Variants in RNF111 observed in about 807,000 individuals in gnomAD.
RNF111 encodes ring finger protein 111.
A neutral mutation model predicts 95.1 loss-of-function variants in RNF111; 17 were observed. The observed-to-expected ratio is 0.18, with a 90% CI of 0.12 to 0.27. The LOEUF (loss-of-function observed/expected upper bound fraction) is 0.27. RNF111 is among the 10% of genes least tolerant of loss of function. The pLI is 1.00. For synonymous variants in RNF111, 440 were observed against 414.8 expected (o/e 1.06, Z -0.74); for missense variants, 1,189 against 1,210.4 (o/e 0.98, Z 0.26).
At chr15:59,091,489 T>G (rs1416511285) in intron 12 of RNF111, among the ~76,000 whole-genome samples, 1 of 152,224 alleles carries the variant, frequency 6.6e-6, no homozygotes, top group Non-Finnish European at 1.5e-5. Flanking sequence ...GTTTGCAGAT[T>G]GCCTTTCATG....
chr15:59,029,585 G>A (rs199951383), intron 1 of RNF111, among the ~76,000 whole-genome samples: 2 of 152,314 alleles, frequency 1.3e-5, no homozygotes, highest in East Asian at 3.9e-4. Context: ...TGGGAGACCT[G>A]TAAGATTATA....
chr15:58,996,475 G>A (rs1031026238), intron 1 of RNF111, among the ~76,000 whole-genome samples: 1 of 151,844 alleles, frequency 6.6e-6, no homozygotes, highest in Admixed American at 6.6e-5. Flanking sequence ...CAGCTACTTG[G>A]GTGGCTGGAG....
intron 1 of RNF111, among the ~76,000 whole-genome samples, chr15:58,995,151 C>G (rs2039002869): frequency 6.6e-6 from 1 of 152,194 alleles, no homozygotes; most frequent in South Asian, 2.1e-4. Flanking sequence ...TCCTGTTCCT[C>G]ATCACTCCCC....
At chr15:59,033,528 C>T (rs2041018211) in intron 2 of RNF111, among the ~76,000 whole-genome samples, 1 of 152,168 alleles carries the variant, frequency 6.6e-6, no homozygotes, top group Non-Finnish European at 1.5e-5. Flanking sequence ...ACATTTTTCT[C>T]AAGTGGTCAG....
At chr15:59,033,999 G>C (rs2041047112) in intron 2 of RNF111, among the ~76,000 whole-genome samples, 2 of 152,140 alleles carry the variant, frequency 1.3e-5, no homozygotes, top group Non-Finnish European at 2.9e-5. Flanking sequence ...TATCAATTAA[G>C]TATAAAATAG....
chr15:59,058,274 A>G (rs544699427), intron 4 of RNF111, 82 bp from the exon 5 acceptor site: 1 of 1,123,558 alleles, frequency 8.9e-7, no homozygotes, highest in Admixed American at 2.1e-5. Context: ...TTTATTAATT[A>G]TAAACACATT....
intron 11 of RNF111, among the ~76,000 whole-genome samples, chr15:59,090,168 A>G (rs2079009359): frequency 6.6e-6 from 1 of 152,136 alleles, no homozygotes; most frequent in African/African-American, 2.4e-5. Flanking sequence ...GGAAGAACAA[A>G]TCATTCGAAT....
chr15:59,007,790 G>A (rs1299410180), intron 1 of RNF111, among the ~76,000 whole-genome samples: 2 of 152,200 alleles, frequency 1.3e-5, no homozygotes, highest in South Asian at 4.2e-4. Context: ...TTTACTTATT[G>A]GGTATTTTTG....
At chr15:59,054,637 C>T (rs2042130520) in intron 3 of RNF111, among the ~76,000 whole-genome samples, 1 of 151,812 alleles carries the variant, frequency 6.6e-6, no homozygotes, top group Non-Finnish European at 1.5e-5. Context: ...ACTTTATACT[C>T]CTTCTTAAGA....
chr15:59,038,060 T>G (rs2041269288), intron 2 of RNF111, among the ~76,000 whole-genome samples: 1 of 152,200 alleles, frequency 6.6e-6, no homozygotes, highest in Non-Finnish European at 1.5e-5. Context: ...GAAAAAATGT[T>G]AATTTAGAGT....
At chr15:59,012,297 G>A (rs2141561339) in intron 1 of RNF111, among the ~76,000 whole-genome samples, 1 of 152,118 alleles carries the variant, frequency 6.6e-6, no homozygotes, top group Admixed American at 6.5e-5. Context: ...GAGATTACAG[G>A]CGTGAGCCAC....
chr15:58,992,639 G>A (rs1489819810), intron 1 of RNF111, among the ~76,000 whole-genome samples: 3 of 151,802 alleles, frequency 2.0e-5, no homozygotes, highest in East Asian at 1.9e-4. Context: ...GCAATGTGAC[G>A]AAATTCTGGC....
intron 1 of RNF111, among the ~76,000 whole-genome samples, chr15:59,027,663 G>C (rs2141720997): frequency 6.6e-6 from 1 of 151,966 alleles, no homozygotes; most frequent in African/African-American, 2.4e-5. Context: ...TGAGTAGCTG[G>C]GATTACAGGT....
At chr15:59,034,232 T>A (rs2041060056) in intron 2 of RNF111, among the ~76,000 whole-genome samples, 1 of 152,196 alleles carries the variant, frequency 6.6e-6, no homozygotes. Flanking sequence ...TCAGCTTTTG[T>A]CAGTGGATAT....
At position 59,030,934 on chromosome 15, in the gene RNF111, T is replaced by C. The variant is rs1302017725; in HGVS notation, c.112T>C (p.Leu38=). The change falls in exon 2 of 14, where the codon TTG becomes CTG. Residue 38 remains leucine, a synonymous_variant. Coordinates refer to ENST00000348370, the MANE Select transcript of RNF111 (RefSeq NM_017610.8). The stretch of plus-strand genomic sequence containing the variant: ...ACAGGAGAGTCTGAAAGGGATCCTT[T>C]TGCATCCAGAGCCCATTGGGGCAGC... ...KTQESLKGIL[L]HPEPIGAAKS... 1 of 1,614,218 alleles carries C rather than the reference T, an allele frequency of 6.2e-7. No homozygotes were observed. The highest frequency in any genetic ancestry group is 1.1e-5 in the South Asian group (1 of 91,084).
chr15:59,007,330 A>G (rs775550623), intron 1 of RNF111, among the ~76,000 whole-genome samples: 9 of 151,792 alleles, frequency 5.9e-5, no homozygotes, highest in Non-Finnish European at 1.2e-4. Flanking sequence ...AAATAGAAGC[A>G]TACCGATACT....
chr15:59,065,190 A>G (rs1383888955), intron 5 of RNF111, among the ~76,000 whole-genome samples: 5 of 152,150 alleles, frequency 3.3e-5, no homozygotes, highest in African/African-American at 1.2e-4. Context: ...TAAGGATGGC[A>G]GCAGGGCGGG....
At chr15:59,087,842 CA>C (rs1322304139) in intron 10 of RNF111, among the ~76,000 whole-genome samples, 2 of 151,760 alleles carry the variant, frequency 1.3e-5, no homozygotes, top group African/African-American at 4.8e-5. Flanking sequence ...GGTGTCATCA[CA>C]AAAAAATAAA....
At chr15:59,012,584 A>C (rs2039878008) in intron 1 of RNF111, among the ~76,000 whole-genome samples, 1 of 152,230 alleles carries the variant, frequency 6.6e-6, no homozygotes, top group Non-Finnish European at 1.5e-5. Flanking sequence ...TAATTTGAGA[A>C]GATGACATGA....
Sources: gnomAD v4.1 joint callset for allele counts (sites outside exome capture counted in the v4.1 genomes callset) on GRCh38, gnomAD v4.1.1 for gene constraint, MANE v1.5 for transcripts, NCBI Gene and HGNC (gene_info 2026-07-23, HGNC 2026-07-21) for gene names.